Variants in AAK1 observed in about 807,000 individuals in gnomAD.
AAK1 encodes the protein AP2 associated kinase 1.
A neutral mutation model predicts 116.0 loss-of-function variants in AAK1; 37 were observed. The ratio of observed to expected loss-of-function variants is 0.32; its 90% CI spans 0.25 to 0.42. The LOEUF (loss-of-function observed/expected upper bound fraction) is 0.42. AAK1 is among the 10% of genes least tolerant of loss of function. The pLI is 1.00. For missense variants in AAK1, 919 were observed against 1,170.6 expected, an observed-to-expected ratio of 0.79 and a Z score of 3.14; for synonymous variants, 458 against 439.9, an observed-to-expected ratio of 1.04 and a Z score of -0.51.
chr2:69,477,180 T>C (rs1674886638), intron 20 of AAK1, among the ~76,000 whole-genome samples, 190 bp from the exon 21 acceptor site: 2 of 143,328 alleles, frequency 1.4e-5, no homozygotes, highest in Admixed American at 7.3e-5. Flanking sequence ...AAAAATGCTT[T>C]AGAGTTGGCC....
intron 19 of AAK1, 82 bp from the exon 20 acceptor site, chr2:69,479,143 T>C (rs939651539): frequency 9.9e-7 from 1 of 1,007,390 alleles, no homozygotes. Context: ...AGATCTTAGC[T>C]TTTAAGTTAC....
At chr2:69,547,116 C>T (rs983484514) in intron 3 of AAK1, among the ~76,000 whole-genome samples, 4 of 152,102 alleles carry the variant, frequency 2.6e-5, no homozygotes, top group African/African-American at 9.7e-5. Flanking sequence ...TACCTCACAC[C>T]ATATACAAAC....
intron 16 of AAK1, among the ~76,000 whole-genome samples, chr2:69,497,579 C>T (rs950970459): frequency 3.3e-5 from 5 of 151,952 alleles, no homozygotes; most frequent in African/African-American, 9.7e-5. Context: ...GGATTACAGG[C>T]GTGAGCCACC....
chr2:69,549,106 C>T (rs113951091), intron 3 of AAK1, among the ~76,000 whole-genome samples: 5 of 152,068 alleles, frequency 3.3e-5, no homozygotes, highest in African/African-American at 4.8e-5. Flanking sequence ...CGGTGGCTCA[C>T]GCCTGTAATC....
intron 2 of AAK1, among the ~76,000 whole-genome samples, chr2:69,622,814 C>T (rs534272297): frequency 2.0e-5 from 3 of 152,088 alleles, no homozygotes; most frequent in Non-Finnish European, 2.9e-5. Flanking sequence ...ATCGACACTC[C>T]GCATCTAGCT....
intron 10 of AAK1, among the ~76,000 whole-genome samples, chr2:69,523,168 T>G (rs897198326): frequency 6.6e-6 from 1 of 152,232 alleles, no homozygotes; most frequent in African/African-American, 2.4e-5. Context: ...GAGTATGTTT[T>G]GTGGAGTGGA....
rs1670196757 is a variant in AAK1 at position 69,530,250 on chromosome 2, T to C, written c.739-110A>G. On this transcript the variant is annotated intron_variant, in intron 7 of 21. Coordinates refer to ENST00000409085, the MANE Select transcript of AAK1 (RefSeq NM_014911.5). ...CATTTACTAGCAGATACAAAAACTA[T>C]AGACTATTAATGTATTAGAAACATG... 1.7e-5 allele frequency: 19 copies of C among 1,139,962 alleles called. No homozygotes were observed. In the South Asian group the frequency reaches 2.3e-4, roughly 14 times the overall value. The allele number at this position is 1,139,962 out of a possible 1,614,324, so 70.6% of individuals were successfully genotyped here. A position where few individuals can be genotyped will look rare whatever the true frequency, so the allele number is the denominator to read the frequency against.
Position 69,462,904 on chromosome 2 carries a change from A to T in AAK1, c.*12965T>A, listed in dbSNP as rs949279779. 6.6e-6 allele frequency: 1 copy of T among 152,250 alleles called. No homozygotes were observed. Among genetic ancestry groups the T allele is most frequent in the East Asian group, 1.9e-4 (1 of 5,206 alleles). 9.4% of individuals were successfully genotyped at this position (152,250 alleles called of 1,614,324 possible). On this transcript the variant is annotated 3_prime_UTR_variant, in exon 22 of 22. Coordinates refer to ENST00000409085, the MANE Select transcript of AAK1 (RefSeq NM_014911.5). The stretch of plus-strand genomic sequence containing the variant: ...GAATTGGGAAAAAGCATATTCTTAG[A>T]ATAACATTTAGCATCCACCAAAGTG...
At chr2:69,488,899 G>A (rs187293905) in intron 17 of AAK1, among the ~76,000 whole-genome samples, 1 of 152,132 alleles carries the variant, frequency 6.6e-6, no homozygotes, top group Admixed American at 6.5e-5. Context: ...TGGACAAAAT[G>A]AAGATAAACT....
chr2:69,592,603 CT>C (rs1433775530), intron 2 of AAK1, among the ~76,000 whole-genome samples: 12 of 152,018 alleles, frequency 7.9e-5, no homozygotes, highest in Non-Finnish European at 4.4e-5. Flanking sequence ...TCATTTCTTC[CT>C]CATTAAAATG....
chr2:69,488,149 C>CGTGTGTGGGTGTGTGTGT (rs1675375838), intron 17 of AAK1, among the ~76,000 whole-genome samples: 1 of 144,542 alleles, frequency 6.9e-6, no homozygotes, highest in African/African-American at 2.6e-5. Flanking sequence ...TGTGTGTGGA[C>CGTGTGTGGGTGTGTGTGT]GTGTGTGTGT....
intron 16 of AAK1, among the ~76,000 whole-genome samples, chr2:69,496,571 G>C (rs1675754513): frequency 6.6e-6 from 1 of 152,048 alleles, no homozygotes; most frequent in Admixed American, 6.6e-5. Context: ...GCTCAACCTG[G>C]TCCTTGCAAC....
chr2:69,640,481 G>GT (rs5831978), intron 2 of AAK1, among the ~76,000 whole-genome samples: 21,250 of 152,146 alleles, frequency 0.14, 3,189 homozygotes, highest in East Asian at 0.39. Flanking sequence ...CCATGCTACT[G>GT]TATGTGTGAA....
intron 2 of AAK1, among the ~76,000 whole-genome samples, chr2:69,625,168 T>C (rs1479305842): frequency 6.6e-6 from 1 of 152,220 alleles, no homozygotes; most frequent in Non-Finnish European, 1.5e-5. Flanking sequence ...GAACTCTCAC[T>C]AAGAGCCTCT....
intron 2 of AAK1, among the ~76,000 whole-genome samples, chr2:69,611,580 C>A (rs1246326434): frequency 1.3e-5 from 2 of 152,206 alleles, no homozygotes; most frequent in Non-Finnish European, 1.5e-5. Flanking sequence ...AGCCAATTCT[C>A]CCTAATAAAC....
At chr2:69,538,590 A>C (rs897146473) in intron 5 of AAK1, among the ~76,000 whole-genome samples, 2 of 152,260 alleles carry the variant, frequency 1.3e-5, no homozygotes, top group Non-Finnish European at 2.9e-5. Context: ...TTAAAAATCA[A>C]TATAAAGAGG....
chr2:69,541,818 T>C (rs1670735348), intron 5 of AAK1, among the ~76,000 whole-genome samples: 1 of 152,232 alleles, frequency 6.6e-6, no homozygotes, highest in Admixed American at 6.5e-5. Context: ...GCATGTTTCC[T>C]GAAACACGGT....
At position 69,466,939 on chromosome 2, in the gene AAK1, A is replaced by G. The variant is rs1281085653; in HGVS notation, c.*8930T>C. The G allele has an allele frequency of 1.0e-6, 1 of 985,428 alleles. No individual in the cohort carries two copies. The highest frequency in any genetic ancestry group is 1.1e-4 in the East Asian group (1 of 8,808). The allele number at this position is 985,428 out of a possible 1,614,324, so 61.0% of individuals were successfully genotyped here. On this transcript the variant is annotated 3_prime_UTR_variant, in exon 22 of 22. Transcript: ENST00000409085. The stretch of plus-strand genomic sequence containing the variant: ...ACATATACCATGACAGTTTTGGATT[A>G]TGTAGAAACACTGTCTGGGGATGAC...
Position 69,524,724 on chromosome 2 carries a change from C to T in AAK1, c.1055+309G>A, listed in dbSNP as rs115323998. ...CTGGGATTATAGACGTGAAACACCA[C>T]GCCTGGCCGTACTAGCAATATTTAA... On this transcript the variant is annotated intron_variant, in intron 10 of 21. Transcript: ENST00000409085. Among the ~76,000 whole-genome samples the T allele has an allele frequency of 5.9e-3, 902 of 152,316 alleles. 3 individuals carry two copies. The highest frequency in any genetic ancestry group is 0.018 in the African/African-American group (765 of 41,568).
Sources: allele counts gnomAD v4.1 joint callset (sites outside exome capture counted in the v4.1 genomes callset), GRCh38; gene constraint gnomAD v4.1.1; transcripts MANE v1.5; gene names NCBI Gene and HGNC (gene_info 2026-07-23, HGNC 2026-07-21).